Variants in PDZD2 observed in about 807,000 individuals in gnomAD.
PDZD2 encodes PDZ domain-containing protein 2.
PDZD2 carries 90 observed loss-of-function variants against 220.7 expected under a neutral mutation model. That is an observed-to-expected ratio of 0.41 (90% CI 0.34 to 0.49). The LOEUF (loss-of-function observed/expected upper bound fraction) is 0.49. PDZD2 is among the 20% of genes least tolerant of loss of function. PDZD2 has a pLI of 0.28. For missense variants in PDZD2, 3,174 were observed against 3,608.5 expected, an observed-to-expected ratio of 0.88 and a Z score of 3.08; for synonymous variants, 1,375 against 1,450.5, an observed-to-expected ratio of 0.95 and a Z score of 1.18.
intron 2 of PDZD2, among the ~76,000 whole-genome samples, chr5:31,901,582 C>G (rs1274459964): frequency 1.3e-5 from 2 of 152,124 alleles, no homozygotes; most frequent in East Asian, 3.9e-4. Flanking sequence ...CATCTGTCCT[C>G]CTAGGAGGTT....
intron 1 of PDZD2, among the ~76,000 whole-genome samples, chr5:31,670,953 T>G (rs1367402076): frequency 1.3e-5 from 2 of 151,996 alleles, no homozygotes; most frequent in Admixed American, 1.3e-4. Flanking sequence ...GACTCAGGGT[T>G]ACCTATCAAC....
intron 22 of PDZD2, among the ~76,000 whole-genome samples, chr5:32,097,795 A>G (rs558136524): frequency 6.6e-5 from 10 of 152,306 alleles, no homozygotes; most frequent in African/African-American, 1.9e-4. Context: ...CCCAGGCCTC[A>G]TTCATCTTCG....
rs1750367614 is a variant in PDZD2 at position 31,743,132 on chromosome 5, T to C, written c.-360-55757T>C. Reference sequence around the variant, plus strand: ...TTTGACCTACTCTGAATCTCTTTAGTGTTGAGTATGTCATGTATTTTCATA... The same window carrying C: ...TTTGACCTACTCTGAATCTCTTTAGCGTTGAGTATGTCATGTATTTTCATA... On this transcript the variant is annotated intron_variant, in intron 1 of 24. Coordinates refer to ENST00000438447, the MANE Select transcript of PDZD2 (RefSeq NM_178140.4). 2.0e-5 allele frequency among the ~76,000 whole-genome samples: 3 copies of C among 152,174 alleles called. No homozygotes were observed. In the East Asian group the frequency reaches 5.8e-4, roughly 29 times the overall value.
At chr5:31,704,299 C>T (rs1464346507) in intron 1 of PDZD2, among the ~76,000 whole-genome samples, 1 of 152,176 alleles carries the variant, frequency 6.6e-6, no homozygotes, top group Non-Finnish European at 1.5e-5. Context: ...AGGCATGAGC[C>T]ACTGCATCGG....
chr5:31,777,249 C>T (rs964767567), intron 1 of PDZD2, among the ~76,000 whole-genome samples: 4 of 152,206 alleles, frequency 2.6e-5, no homozygotes, highest in Non-Finnish European at 1.5e-5. Flanking sequence ...GCACCCAGGC[C>T]AGCAGCTGCA....
rs997478074 is a variant in PDZD2 at position 32,110,780 on chromosome 5, T to A, written c.*2645T>A. On this transcript the variant is annotated 3_prime_UTR_variant, in exon 25 of 25. Transcript: ENST00000438447. ...TACATTAACCTTTATTTATGTAAAG[T>A]AAAATGCCTTATATATTAAAGAGTA... 2.6e-5 allele frequency: 4 copies of A among 152,634 alleles called. No individual in the cohort carries two copies. Among genetic ancestry groups the A allele is most frequent in the Non-Finnish European group, 5.9e-5 (4 of 68,042 alleles). 9.5% of individuals were successfully genotyped at this position (152,634 alleles called of 1,614,324 possible).
chr5:31,791,707 C>T (rs1323232283), intron 1 of PDZD2, among the ~76,000 whole-genome samples: 1 of 151,428 alleles, frequency 6.6e-6, no homozygotes, highest in African/African-American at 2.4e-5. Flanking sequence ...AATGACTTTG[C>T]AACATTCAGC....
intron 21 of PDZD2, among the ~76,000 whole-genome samples, chr5:32,094,557 A>G (rs1407601299): frequency 6.6e-6 from 1 of 152,076 alleles, no homozygotes; most frequent in African/African-American, 2.4e-5. Context: ...AAAGGAGACC[A>G]GTCCCTTCAG....
At chr5:31,894,058 CTTTTTTTTTTTTTT>C (rs35969573) in intron 2 of PDZD2, among the ~76,000 whole-genome samples, 2 of 69,760 alleles carry the variant, frequency 2.9e-5, no homozygotes, top group African/African-American at 1.2e-4. Context: ...CCACGCCCAG[CTTTTTTTTTTTTTT>C]TTTTTTTTTT....
chr5:32,018,583 T>C (rs1217059173), intron 6 of PDZD2, among the ~76,000 whole-genome samples: 2 of 152,244 alleles, frequency 1.3e-5, no homozygotes, highest in African/African-American at 4.8e-5. Context: ...CCAGAGCTGC[T>C]GATGCAGAAA....
rs536710151 is a variant in PDZD2, at chr5:32,063,330, G to T, written c.2451+2196G>T. Among the ~76,000 whole-genome samples the T allele has an allele frequency of 4.6e-5, 7 of 152,210 alleles. No individual in the cohort carries two copies. In the South Asian group the frequency reaches 1.5e-3, roughly 32 times the overall value. Reference sequence around the variant, plus strand: ...ATTATAGATGTGAGCCACCACGCCCGGTCTGAGAATGATTTATTAAATGAC... The same window carrying T: ...ATTATAGATGTGAGCCACCACGCCCTGTCTGAGAATGATTTATTAAATGAC... On this transcript the variant is annotated intron_variant, in intron 14 of 24. Transcript: ENST00000438447.
intron 1 of PDZD2, among the ~76,000 whole-genome samples, chr5:31,705,720 G>A (rs1288301745): frequency 6.6e-6 from 1 of 152,216 alleles, no homozygotes; most frequent in African/African-American, 2.4e-5. Flanking sequence ...CAAAGAGAAA[G>A]TATGAACAAG....
intron 2 of PDZD2, among the ~76,000 whole-genome samples, chr5:31,866,105 A>C (rs1363189957): frequency 1.3e-5 from 2 of 151,908 alleles, no homozygotes; most frequent in African/African-American, 4.8e-5. Context: ...TGGCTCAAGC[A>C]GTTCTCCCAC....
chr5:31,758,710 T>A (rs986211112), intron 1 of PDZD2, among the ~76,000 whole-genome samples: 3 of 152,120 alleles, frequency 2.0e-5, no homozygotes, highest in Admixed American at 6.5e-5. Flanking sequence ...CTCCCTTTCC[T>A]CCATCCTCAT....
intron 1 of PDZD2, among the ~76,000 whole-genome samples, chr5:31,715,523 A>G (rs965233387): frequency 1.3e-5 from 2 of 152,260 alleles, no homozygotes; most frequent in African/African-American, 4.8e-5. Flanking sequence ...GCTGGATGAC[A>G]TCTTAAAGTA....
At chr5:31,728,314 C>G (rs1749303205) in intron 1 of PDZD2, among the ~76,000 whole-genome samples, 1 of 152,084 alleles carries the variant, frequency 6.6e-6, no homozygotes, top group Non-Finnish European at 1.5e-5. Flanking sequence ...CACACACACA[C>G]CCCTTGAGAA....
chr5:31,788,429 G>C (rs940876674), intron 1 of PDZD2, among the ~76,000 whole-genome samples: 3 of 152,130 alleles, frequency 2.0e-5, no homozygotes, highest in Non-Finnish European at 2.9e-5. Context: ...ACTTTGGGAG[G>C]CCAAGGCGGG....
intron 2 of PDZD2, among the ~76,000 whole-genome samples, chr5:31,869,742 G>A (rs779101486): frequency 1.4e-4 from 22 of 152,072 alleles, no homozygotes; most frequent in East Asian, 3.9e-4. Flanking sequence ...AAAATTCTCC[G>A]TCTCTTACAG....
rs143399549 is a variant in PDZD2 at position 32,054,514 on chromosome 5, G to A, written c.1900+631G>A. Reference sequence around the variant, plus strand: ...AATTTTTGTATATTTTTGTAGAGACGAGGTTCCACCATGTTGCCCAGGCTG... The same window carrying A: ...AATTTTTGTATATTTTTGTAGAGACAAGGTTCCACCATGTTGCCCAGGCTG... On this transcript the variant is annotated intron_variant, in intron 10 of 24. Transcript: ENST00000438447. Among the ~76,000 whole-genome samples the A allele has an allele frequency of 9.2e-5, 14 of 151,476 alleles. 1 individual carries two copies. The highest frequency in any genetic ancestry group is 3.1e-4 in the African/African-American group (13 of 41,288).
Sources: gnomAD v4.1 joint callset for allele counts (sites outside exome capture counted in the v4.1 genomes callset) on GRCh38, gnomAD v4.1.1 for gene constraint, MANE v1.5 for transcripts, NCBI Gene and HGNC (gene_info 2026-07-23, HGNC 2026-07-21) for gene names.